Variants in BACH2 observed in about 807,000 individuals in gnomAD.
The protein encoded by BACH2 is BACH transcriptional regulator 2.
BACH2 carries 5 observed loss-of-function variants against 61.8 expected under a neutral mutation model. That is an observed-to-expected ratio of 0.08 (90% confidence interval 0.04 to 0.17). The LOEUF (loss-of-function observed/expected upper bound fraction) is 0.17. Ranked by LOEUF, BACH2 falls within the 10% of genes least tolerant of loss-of-function variation. BACH2 has a pLI of 1.00. For missense variants in BACH2, 824 were observed against 1,091.1 expected, an observed-to-expected ratio of 0.76 and a Z score of 3.45; for synonymous variants, 446 against 440.1, an observed-to-expected ratio of 1.01 and a Z score of -0.17.
chr6:90,254,619 T>C (rs988047465), intron 2 of BACH2, among the ~76,000 whole-genome samples: 1 of 151,898 alleles, frequency 6.6e-6, no homozygotes, highest in African/African-American at 2.4e-5. Flanking sequence ...AGTATCTATA[T>C]ATTATATTTA....
intron 6 of BACH2, among the ~76,000 whole-genome samples, chr6:89,987,230 G>A (rs1190135872): frequency 1.3e-5 from 2 of 152,194 alleles, no homozygotes; most frequent in African/African-American, 4.8e-5. Context: ...AAGAGGATGG[G>A]AGAGTCCTGG....
At chr6:90,062,808 TCAAA>T (rs1780753613) in intron 5 of BACH2, 3 of 521,250 alleles carry the variant, frequency 5.8e-6, no homozygotes, top group Admixed American at 6.4e-5. Context: ...GACAAACTAC[TCAAA>T]CAAAGTCTGA....
chr6:90,121,511 T>C (rs1227070301), intron 4 of BACH2, among the ~76,000 whole-genome samples: 1 of 152,190 alleles, frequency 6.6e-6, no homozygotes, highest in Non-Finnish European at 1.5e-5. Context: ...TCAGCTATCT[T>C]GGAGCAAAAA....
At chr6:90,270,231 C>T (rs945342367) in intron 2 of BACH2, among the ~76,000 whole-genome samples, 4 of 152,066 alleles carry the variant, frequency 2.6e-5, no homozygotes, top group Non-Finnish European at 4.4e-5. Context: ...ACTTCTTTTC[C>T]TTTGGGTAGA....
At chr6:90,146,205 C>T (rs947324495) in intron 4 of BACH2, among the ~76,000 whole-genome samples, 2 of 152,092 alleles carry the variant, frequency 1.3e-5, no homozygotes, top group African/African-American at 2.4e-5. Context: ...AAAGATGACC[C>T]GCAGAAGTGA....
At chr6:89,934,676 A>G (rs2128352917) in intron 8 of BACH2, among the ~76,000 whole-genome samples, 1 of 152,170 alleles carries the variant, frequency 6.6e-6, no homozygotes, top group East Asian at 1.9e-4. Flanking sequence ...AGAAAAAAAA[A>G]TTGCGTGAGG....
intron 3 of BACH2, among the ~76,000 whole-genome samples, chr6:90,219,064 T>TA (rs1487242229): frequency 5.3e-5 from 8 of 151,552 alleles, no homozygotes; most frequent in Non-Finnish European, 1.5e-5. Context: ...TGAAGGCTTG[T>TA]AAAAAAAAGA....
At chr6:89,981,440 C>T (rs998918403) in intron 6 of BACH2, among the ~76,000 whole-genome samples, 17 of 152,020 alleles carry the variant, frequency 1.1e-4, no homozygotes, top group African/African-American at 3.6e-4. Context: ...CGCGCCTGGC[C>T]GATTCCTGTT....
intron 3 of BACH2, among the ~76,000 whole-genome samples, chr6:90,220,034 G>A (rs889597945): frequency 6.6e-6 from 1 of 151,840 alleles, no homozygotes; most frequent in Non-Finnish European, 1.5e-5. Flanking sequence ...ACATGCAGCC[G>A]CTTGTAACAA....
intron 5 of BACH2, among the ~76,000 whole-genome samples, chr6:90,056,270 G>A (rs1446465927): frequency 2.6e-5 from 4 of 152,160 alleles, no homozygotes; most frequent in Non-Finnish European, 5.9e-5. Flanking sequence ...TAAAGGGATG[G>A]AGGAAGATCT....
intron 2 of BACH2, among the ~76,000 whole-genome samples, chr6:90,264,433 G>C (rs1285984345): frequency 6.6e-6 from 1 of 152,078 alleles, no homozygotes; most frequent in Non-Finnish European, 1.5e-5. Context: ...TAAACAAAGG[G>C]TATATAAATG....
chr6:90,258,596 TGAA>T (rs1163105584), intron 2 of BACH2, among the ~76,000 whole-genome samples: 1 of 152,232 alleles, frequency 6.6e-6, no homozygotes, highest in African/African-American at 2.4e-5. Context: ...TCTATTTCTG[TGAA>T]GAAGGTCACT....
intron 4 of BACH2, among the ~76,000 whole-genome samples, chr6:90,175,931 G>C (rs1027254167): frequency 2.6e-5 from 4 of 152,008 alleles, no homozygotes; most frequent in African/African-American, 9.7e-5. Context: ...CAGAAAGCTT[G>C]GAGCCTAACC....
chr6:89,995,340 A>G (rs1776786832), intron 6 of BACH2, among the ~76,000 whole-genome samples: 2 of 151,072 alleles, frequency 1.3e-5, no homozygotes, highest in Middle Eastern at 3.4e-3. Flanking sequence ...ACTGGAAGTT[A>G]TATCTCAAAG....
intron 3 of BACH2, among the ~76,000 whole-genome samples, chr6:90,249,705 G>C (rs1263551085): frequency 6.6e-6 from 1 of 152,166 alleles, no homozygotes; most frequent in Non-Finnish European, 1.5e-5. Context: ...CCAGGGAGCT[G>C]CTGAGGCTGC....
chr6:89,947,488 CTA>C (rs1773798137), intron 7 of BACH2, among the ~76,000 whole-genome samples: 1 of 152,082 alleles, frequency 6.6e-6, no homozygotes, highest in South Asian at 2.1e-4. Context: ...CTGAGAGGGG[CTA>C]TGTTTTCCAA....
chr6:89,938,502 G>T, intron 7 of BACH2, 152 bp from the exon 8 acceptor site: 1 of 649,934 alleles, frequency 1.5e-6, no homozygotes. Context: ...CCTGTTTAAA[G>T]ACAGATAAGA....
intron 6 of BACH2, among the ~76,000 whole-genome samples, chr6:89,960,662 G>A (rs1177724101): frequency 6.6e-6 from 1 of 152,140 alleles, no homozygotes; most frequent in Admixed American, 6.5e-5. Context: ...CAAATCCTAC[G>A]AAGCCCTTTT....
At chr6:90,051,170 CTG>C (rs1350848170) in intron 5 of BACH2, among the ~76,000 whole-genome samples, 19 of 152,172 alleles carry the variant, frequency 1.2e-4, no homozygotes, top group Non-Finnish European at 2.2e-4. Context: ...TGCATAAGTT[CTG>C]TTAGATTTGT....
Sources: allele counts gnomAD v4.1 joint callset (sites outside exome capture counted in the v4.1 genomes callset), GRCh38; gene constraint gnomAD v4.1.1; transcripts MANE v1.5; gene names NCBI Gene and HGNC (gene_info 2026-07-23, HGNC 2026-07-21).